The following STK3 variants were observed in gnomAD, a reference collection of about 807,000 sequenced individuals.
STK3 encodes the protein serine/threonine-protein kinase 3.
A neutral mutation model predicts 58.0 loss-of-function variants in STK3; 41 were observed. The ratio of observed to expected loss-of-function variants is 0.71; its 90% confidence interval spans 0.55 to 0.92. The LOEUF (loss-of-function observed/expected upper bound fraction) is 0.92. Among genes scored for constraint, STK3 ranks in the 40% least tolerant of loss-of-function variants. STK3 has a pLI of 0.00. For missense variants in STK3, 479 were observed against 602.7 expected (o/e 0.79, Z 2.15); for synonymous variants, 170 against 191.0 (o/e 0.89, Z 0.91).
intron 6 of STK3, among the ~76,000 whole-genome samples, chr8:98,677,635 C>T (rs556843888): frequency 2.4e-4 from 37 of 152,164 alleles, no homozygotes; most frequent in African/African-American, 7.9e-4. Flanking sequence ...TCATCAATCA[C>T]AACCTCCTTA....
rs1296293731 is a variant in STK3, at chr8:98,734,811, C to T, written c.351+14465G>A. Among the ~76,000 whole-genome samples, 3 of 151,560 alleles carry T rather than the reference C, an allele frequency of 2.0e-5. No homozygotes were observed. In the East Asian group the frequency reaches 5.8e-4, roughly 29 times the overall value. On this transcript the variant is annotated intron_variant, in intron 4 of 10. Transcript: ENST00000419617. The stretch of plus-strand genomic sequence containing the variant: ...TACTAAAGTTTTTATTCTTTTAAAA[C>T]TTGAAAACACTTGACTCCTCAAAAA...
At chr8:98,506,814 G>T (rs1347610973) in intron 10 of STK3, among the ~76,000 whole-genome samples, 1 of 152,214 alleles carries the variant, frequency 6.6e-6, no homozygotes, top group Non-Finnish European at 1.5e-5. Context: ...AGTATTTGGA[G>T]GGATTGTAGC....
the STK3 span, among the ~76,000 whole-genome samples, chr8:98,356,105 C>A: frequency 6.6e-6 from 1 of 152,322 alleles, no homozygotes; most frequent in Middle Eastern, 3.4e-3. Context: ...TGATACCATG[C>A]AGATTGGGCT....
chr8:98,805,448 G>A (rs1479104038), intron 1 of STK3, among the ~76,000 whole-genome samples: 1 of 152,050 alleles, frequency 6.6e-6, no homozygotes, highest in Non-Finnish European at 1.5e-5. Flanking sequence ...GGTGGCGGGT[G>A]CCTGTAATCC....
chr8:98,585,232 T>G (rs1211343122), intron 7 of STK3, among the ~76,000 whole-genome samples: 4 of 151,898 alleles, frequency 2.6e-5, no homozygotes. Context: ...GTTTTAGGTC[T>G]AACGTTTAAG....
At chr8:98,443,917 C>CTAAATAAATAAATAAG (rs1818793717) in intron 1 of STK3, among the ~76,000 whole-genome samples, 1 of 152,166 alleles carries the variant, frequency 6.6e-6, no homozygotes. Flanking sequence ...GACTATGTCT[C>CTAAATAAATAAATAAG]TAAATAAATA....
chr8:98,938,610 C>T (rs1211166286), intron 1 of STK3, among the ~76,000 whole-genome samples: 2 of 152,152 alleles, frequency 1.3e-5, no homozygotes, highest in East Asian at 1.9e-4. Context: ...ACATGTGAGT[C>T]AGTTCCAGCT....
intron 1 of STK3, among the ~76,000 whole-genome samples, chr8:98,793,988 T>C (rs1832968790): frequency 6.6e-6 from 1 of 152,146 alleles, no homozygotes; most frequent in African/African-American, 2.4e-5. Context: ...CAAAAAGTTC[T>C]TTGAAATAAA....
intron 1 of STK3, among the ~76,000 whole-genome samples, chr8:98,809,599 G>A (rs1402538997): frequency 2.0e-5 from 3 of 152,082 alleles, no homozygotes; most frequent in African/African-American, 7.2e-5. Flanking sequence ...TTGTCCTTTT[G>A]TGTGTACTTT....
intron 1 of STK3, among the ~76,000 whole-genome samples, chr8:98,940,274 G>A (rs961414458): frequency 2.6e-5 from 4 of 152,240 alleles, no homozygotes; most frequent in African/African-American, 7.2e-5. Flanking sequence ...TGCGACTAGC[G>A]AGGGGCTGAC....
At chr8:98,858,207 C>CTACAAAAATTAG in intron 3 of STK3, among the ~76,000 whole-genome samples, 1 of 149,178 alleles carries the variant, frequency 6.7e-6, no homozygotes, top group South Asian at 2.1e-4. Context: ...CATGACGAAA[C>CTACAAAAATTAG]CCAGTGTCTA....
chr8:98,418,752 G>A (rs1818138120), intron 3 of STK3, among the ~76,000 whole-genome samples: 1 of 152,104 alleles, frequency 6.6e-6, no homozygotes, highest in African/African-American at 2.4e-5. Context: ...TTTGGAGCAG[G>A]GTCCTTGAGC....
chr8:98,481,117 C>T (rs752906174), intron 10 of STK3, among the ~76,000 whole-genome samples: 2 of 151,782 alleles, frequency 1.3e-5, no homozygotes, highest in Non-Finnish European at 2.9e-5. Context: ...GAAAAAAAGT[C>T]ACATGATTCT....
chr8:98,612,075 TATAA>T (rs1817241211), intron 6 of STK3, among the ~76,000 whole-genome samples: 1 of 149,368 alleles, frequency 6.7e-6, no homozygotes, highest in Non-Finnish European at 1.5e-5. Context: ...TAGACATTTA[TATAA>T]ATATATATGT....
intron 3 of STK3, among the ~76,000 whole-genome samples, chr8:98,409,606 C>T (rs28621642): frequency 0.073 from 11,152 of 152,342 alleles, 624 homozygotes; most frequent in African/African-American, 0.15. Flanking sequence ...ACTTTGGACC[C>T]AGCTACCGCA....
chr8:98,639,182 T>A (rs1819836374), intron 6 of STK3, among the ~76,000 whole-genome samples: 1 of 150,846 alleles, frequency 6.6e-6, no homozygotes, highest in Non-Finnish European at 1.5e-5. Flanking sequence ...TGATCACAGC[T>A]CACTGCAGTC....
intron 1 of STK3, among the ~76,000 whole-genome samples, chr8:98,446,797 T>C (rs1467811543): frequency 2.0e-5 from 3 of 152,154 alleles, no homozygotes; most frequent in African/African-American, 4.8e-5. Context: ...CAAATGTTCA[T>C]TGCTGCATCA....
chr8:98,583,301 A>G lies in STK3; in HGVS notation c.823-3512T>C, dbSNP rs1316251084. On this transcript the variant is annotated intron_variant, in intron 7 of 10. Coordinates refer to ENST00000419617, the MANE Select transcript of STK3 (RefSeq NM_006281.4). ...GTGTTAGAATCATGGGAGCGAGGGC[A>G]GAGGGTTACTTCTAAATATTCAAAT... Among the ~76,000 whole-genome samples, 4 of 152,218 alleles carry G rather than the reference A, an allele frequency of 2.6e-5. 1 individual carries two copies. Among genetic ancestry groups the G allele is most frequent in the South Asian group, 4.1e-4 (2 of 4,834 alleles).
chr8:98,825,441 G>T, intron 1 of STK3, 74 bp downstream of exon 1: 4 of 1,372,688 alleles, frequency 2.9e-6, no homozygotes, highest in Non-Finnish European at 3.8e-6. Context: ...TCGCAGCAGG[G>T]CCTGGCCTAG....
Sources: gnomAD v4.1 joint callset for allele counts (sites outside exome capture counted in the v4.1 genomes callset) on GRCh38, gnomAD v4.1.1 for gene constraint, MANE v1.5 for transcripts, NCBI Gene and HGNC (gene_info 2026-07-23, HGNC 2026-07-21) for gene names.